The following DIP2C variants were observed in gnomAD, a reference collection of about 807,000 sequenced individuals.
DIP2C encodes the protein disco-interacting protein 2 homolog C.
Under a neutral mutation model 192.4 loss-of-function variants are expected in DIP2C, and 33 were observed. The ratio of observed to expected loss-of-function variants is 0.17; its 90% confidence interval spans 0.13 to 0.23. DIP2C has a LOEUF of 0.23. Among genes scored for constraint, DIP2C ranks in the 10% least tolerant of loss-of-function variants. The pLI is 1.00. For missense variants in DIP2C, 1,537 were observed against 2,110.1 expected, an observed-to-expected ratio of 0.73 and a Z score of 5.32; for synonymous variants, 979 against 864.1, an observed-to-expected ratio of 1.13 and a Z score of -2.33.
intron 31 of DIP2C, chr10:311,679 A>G (rs1325049164): frequency 1.5e-5 from 13 of 851,418 alleles, no homozygotes; most frequent in Non-Finnish European, 2.0e-5. Context: ...AATGGGATGG[A>G]GAAGAGGGAG....
intron 32 of DIP2C, among the ~76,000 whole-genome samples, chr10:293,920 G>T (rs924544662): frequency 2.0e-5 from 3 of 152,196 alleles, no homozygotes; most frequent in African/African-American, 4.8e-5. Flanking sequence ...CTGGATCAGG[G>T]AAGTCCAGAA....
intron 1 of DIP2C, among the ~76,000 whole-genome samples, chr10:561,393 A>C (rs1306060265): frequency 6.6e-6 from 1 of 152,188 alleles, no homozygotes; most frequent in Non-Finnish European, 1.5e-5. Context: ...CAACCCCTGA[A>C]GCAGCAGCTC....
chr10:369,117 G>A (rs1000910172), intron 18 of DIP2C, among the ~76,000 whole-genome samples: 6 of 152,370 alleles, frequency 3.9e-5, no homozygotes, highest in Non-Finnish European at 5.9e-5. Flanking sequence ...CTGCCTTGGC[G>A]GAAGCCGAGC....
chr10:351,655 T>C (rs1006406257), intron 24 of DIP2C, among the ~76,000 whole-genome samples: 13 of 152,126 alleles, frequency 8.5e-5, no homozygotes, highest in Non-Finnish European at 1.2e-4. Flanking sequence ...CAAGAGCAGG[T>C]GGCAGCAGAG....
At chr10:442,678 A>T (rs1589806061) in intron 3 of DIP2C, among the ~76,000 whole-genome samples, 2 of 152,348 alleles carry the variant, frequency 1.3e-5, no homozygotes, top group Non-Finnish European at 2.9e-5. Flanking sequence ...TCTAAGTCAA[A>T]TGAAAATAAA....
chr10:554,750 C>T (rs910804246), intron 1 of DIP2C, among the ~76,000 whole-genome samples: 1 of 152,230 alleles, frequency 6.6e-6, no homozygotes, highest in African/African-American at 2.4e-5. Context: ...GGAGCAATCA[C>T]CGAGTTGCCT....
At chr10:380,715 G>A (rs995684850) in intron 17 of DIP2C, among the ~76,000 whole-genome samples, 1 of 152,202 alleles carries the variant, frequency 6.6e-6, no homozygotes, top group African/African-American at 2.4e-5. Context: ...CCTTTAAGAA[G>A]GCATTCATTT....
At chr10:359,966 CGA>C (rs1959243157) in intron 22 of DIP2C, among the ~76,000 whole-genome samples, 2 of 152,170 alleles carry the variant, frequency 1.3e-5, no homozygotes, top group Admixed American at 1.3e-4. Context: ...CTGGGCAAGA[CGA>C]GACGGCTCTT....
chr10:494,609 G>A (rs1488087856), intron 1 of DIP2C, among the ~76,000 whole-genome samples: 1 of 152,102 alleles, frequency 6.6e-6, no homozygotes, highest in Non-Finnish European at 1.5e-5. Context: ...AGAGAGAGGT[G>A]TAATGAGGAG....
chr10:390,722 G>C lies in DIP2C; in HGVS notation c.1384+18C>G, dbSNP rs761761668. On this transcript the variant is annotated intron_variant, in intron 11 of 36. Transcript: ENST00000280886. ...AAAGGACGTGGGCATGCGAGCTCTC[G>C]GAGGCTCGGTGGCTTACCTTTAAAC... The C allele has an allele frequency of 1.9e-6, 3 of 1,609,324 alleles. No individual in the cohort carries two copies. In the Admixed American group the frequency reaches 5.1e-5, roughly 27 times the overall value.
chr10:511,534 TAAA>T (rs905334813), intron 1 of DIP2C, among the ~76,000 whole-genome samples: 6 of 152,154 alleles, frequency 3.9e-5, no homozygotes, highest in African/African-American at 1.4e-4. Context: ...ATTTACTTCT[TAAA>T]AAATAACACG....
chr10:395,125 A>AGGAGTTGGGGGGAGGGG (rs1963876309), intron 10 of DIP2C, among the ~76,000 whole-genome samples: 1 of 15,304 alleles, frequency 6.5e-5, no homozygotes, highest in African/African-American at 2.8e-4. Flanking sequence ...GGGGGGAGGG[A>AGGAGTTGGGGGGAGGGG]GGAGTTGGGG....
At chr10:331,125 T>C (rs1957488866) in intron 29 of DIP2C, among the ~76,000 whole-genome samples, 1 of 152,018 alleles carries the variant, frequency 6.6e-6, no homozygotes, top group Admixed American at 6.6e-5. Flanking sequence ...CTACGCAAAA[T>C]TTTATCAGTG....
rs373849020 is a variant in DIP2C, at chr10:357,752, G to A, written c.2904+76C>T. ...AGGTAGGGGACAGTCGGGTACTGTCGGGGATGGTCGCAGATGGTCGGGGAC... is the reference window on the plus strand; with the variant it reads ...AGGTAGGGGACAGTCGGGTACTGTCAGGGATGGTCGCAGATGGTCGGGGAC... On this transcript the variant is annotated intron_variant, in intron 23 of 36. Transcript: ENST00000280886. The A allele has an allele frequency of 1.6e-4, 177 of 1,128,896 alleles. No homozygotes were observed. In the African/African-American group the frequency reaches 1.9e-3, roughly 12 times the overall value. The allele number at this position is 1,128,896 out of a possible 1,614,324, so 69.9% of individuals were successfully genotyped here.
At position 283,337 on chromosome 10, in the gene DIP2C, G is replaced by C; in HGVS notation, c.4229C>G (p.Thr1410Ser). Residue 1410 changes from threonine (T) to serine (S), a missense_variant, in exon 35 of 37, where the codon ACC (threonine) becomes AGC (serine). Transcript: ENST00000280886. ...NSRLSFGDTQ[T>S]IWARTGYLGF... ...CAAGTAGCCTGTGCGTGCCCAGATG[G>C]TCTGGGTGTCTCCAAAACTTAGTCT... is the stretch of plus-strand genomic sequence containing the variant. 4 of 1,614,166 alleles carry C rather than the reference G, an allele frequency of 2.5e-6. No individual in the cohort carries two copies. Among genetic ancestry groups the C allele is most frequent in the Non-Finnish European group, 3.4e-6 (4 of 1,180,026 alleles).
Position 427,484 on chromosome 10 carries a change from C to T in DIP2C, c.395-4451G>A, listed in dbSNP as rs1030392770. ...TCTGTCTGCTACAGAACAGTTTGTC[C>T]TTTCACTGAGAAACCTTACACCTGT... is the stretch of plus-strand genomic sequence containing the variant. On this transcript the variant is annotated intron_variant, in intron 4 of 36. Coordinates refer to ENST00000280886, the MANE Select transcript of DIP2C (RefSeq NM_014974.3). Among the ~76,000 whole-genome samples, 5 of 152,136 alleles carry T rather than the reference C, an allele frequency of 3.3e-5. No individual in the cohort carries two copies. The East Asian group carries it at 5.8e-4, about 18-fold the overall frequency.
At chr10:560,164 G>A (rs1849126734) in intron 1 of DIP2C, among the ~76,000 whole-genome samples, 1 of 152,162 alleles carries the variant, frequency 6.6e-6, no homozygotes, top group African/African-American at 2.4e-5. Flanking sequence ...AGTCAATAAA[G>A]CCAGTGTCCA....
intron 1 of DIP2C, among the ~76,000 whole-genome samples, chr10:625,220 C>T (rs894168124): frequency 2.0e-5 from 3 of 152,202 alleles, no homozygotes; most frequent in Non-Finnish European, 2.9e-5. Flanking sequence ...TTCATTATCA[C>T]GGCCGCAAGC....
At chr10:379,868 T>C (rs1423837820) in intron 17 of DIP2C, among the ~76,000 whole-genome samples, 3 of 152,210 alleles carry the variant, frequency 2.0e-5, no homozygotes, top group African/African-American at 7.2e-5. Context: ...GAAGAGGCTG[T>C]CCCTGGAAGA....
Sources: gnomAD v4.1 joint callset for allele counts (sites outside exome capture counted in the v4.1 genomes callset) on GRCh38, gnomAD v4.1.1 for gene constraint, MANE v1.5 for transcripts, NCBI Gene and HGNC (gene_info 2026-07-23, HGNC 2026-07-21) for gene names.